SPP1: variants seen among roughly 807,000 people sequenced by gnomAD.
SPP1 encodes osteopontin.
In SPP1, 18 loss-of-function variants were observed where a neutral mutation model predicts 20.8. The observed-to-expected ratio is 0.87, with a 90% CI of 0.60 to 1.29. The LOEUF is 1.29. Among genes scored for constraint, SPP1 ranks in the 50% most tolerant of loss-of-function variants. The pLI is 0.00. For missense variants in SPP1, 363 were observed against 389.0 expected (o/e 0.93, Z 0.56); for synonymous variants, 146 against 141.5 (o/e 1.03, Z -0.23).
In SPP1 at chr4:87,982,890, C is replaced by A; in HGVS notation, c.939C>A (p.Val313=). Residue 313 remains valine, a synonymous_variant, in exon 7 of 7, where the codon GTC becomes GTA. Transcript: ENST00000395080. The part of the protein sequence containing the change: ...SHELDSASSE[V]N Reference sequence around the variant, plus strand: ...AATTAGATAGTGCATCTTCTGAGGTCAATTAAAAGGAGAAAAAATACAATT... The same window carrying A: ...AATTAGATAGTGCATCTTCTGAGGTAAATTAAAAGGAGAAAAAATACAATT... The A allele has an allele frequency of 6.3e-7, 1 of 1,593,002 alleles. No homozygotes were observed. The highest frequency in any genetic ancestry group is 1.1e-5 in the South Asian group (1 of 87,680).
At chr4:87,982,147 G>T (rs1317661763) in intron 6 of SPP1, among the ~76,000 whole-genome samples, 1 of 152,092 alleles carries the variant, frequency 6.6e-6, no homozygotes, top group Non-Finnish European at 1.5e-5. Flanking sequence ...AAATTACACT[G>T]AATCCTTAGT....
Position 87,981,500 on chromosome 4 carries a change from G to T in SPP1, c.242G>T (p.Ser81Ile). ...ACCCTTCCAAGTAAGTCCAACGAAA[G>T]CCATGACCACATGGATGATATGGAT... Reference protein sequence around the residue: ...QETLPSKSNESHDHMDDMDDE... With the variant: ...QETLPSKSNEIHDHMDDMDDE... Residue 81 changes from serine (S) to isoleucine (I), a missense_variant, in exon 6 of 7, where the codon AGC becomes ATC. Transcript: ENST00000395080. 1 of 1,614,128 alleles carries T rather than the reference G, an allele frequency of 6.2e-7. No individual in the cohort carries two copies. The highest frequency in any genetic ancestry group is 1.1e-5 in the South Asian group (1 of 91,064).
chr4:87,983,126 G>C lies in SPP1; in HGVS notation c.*230G>C, dbSNP rs1248529482. 9 of 422,112 alleles carry C rather than the reference G, an allele frequency of 2.1e-5. No homozygotes were observed. Among genetic ancestry groups the C allele is most frequent in the Non-Finnish European group, 3.3e-5 (8 of 239,246 alleles). The allele number at this position is 422,112 out of a possible 1,614,324, so 26.1% of individuals were successfully genotyped here. ...TTATGTCTATGTTCATTCTATAGAA[G>C]AAATGCAAACTATCACTGTATTTTA... On this transcript the variant is annotated 3_prime_UTR_variant, in exon 7 of 7. Transcript: ENST00000395080.
Position 87,982,605 on chromosome 4 carries a change from C to T in SPP1, c.654C>T (p.Asp218=). The T allele has an allele frequency of 6.2e-7, 1 of 1,614,100 alleles. No homozygotes were observed. The highest frequency in any genetic ancestry group is 1.1e-5 in the South Asian group (1 of 91,074). Residue 218 remains aspartate, a synonymous_variant, in exon 7 of 7, where the codon GAC becomes GAT. Coordinates refer to ENST00000395080, the MANE Select transcript of SPP1 (RefSeq NM_001040058.2). ...AQDLNAPSDW[D]SRGKDSYETS... ...ACCTGAACGCGCCTTCTGATTGGGA[C>T]AGCCGTGGGAAGGACAGTTATGAAA...
intron 5 of SPP1, 63 bp from the exon 6 acceptor site, chr4:87,981,412 C>A: frequency 7.2e-7 from 1 of 1,398,412 alleles, no homozygotes. Flanking sequence ...GACTAATGTG[C>A]TATAAAGGCT....
intron 3 of SPP1, among the ~76,000 whole-genome samples, chr4:87,979,679 C>T (rs1445688726): frequency 6.6e-6 from 1 of 152,108 alleles, no homozygotes; most frequent in South Asian, 2.1e-4. Flanking sequence ...GTGTGAAGTT[C>T]GGTGTTAAGA....
intron 3 of SPP1, among the ~76,000 whole-genome samples, chr4:87,977,438 T>C (rs768888339): frequency 5.5e-4 from 83 of 152,232 alleles, no homozygotes; most frequent in Non-Finnish European, 5.3e-4. Flanking sequence ...TTTTGCTTTG[T>C]TTAGTGGATT....
chr4:87,979,310 G>A (rs1287852780), intron 3 of SPP1, among the ~76,000 whole-genome samples: 1 of 151,594 alleles, frequency 6.6e-6, no homozygotes, highest in African/African-American at 2.4e-5. Flanking sequence ...GGGTACAGGT[G>A]CCTGCCACCA....
chr4:87,982,460 T>C (rs369772477), intron 6 of SPP1, 32 bp from the exon 7 acceptor site: 151 of 1,597,588 alleles, frequency 9.5e-5, no homozygotes, highest in Non-Finnish European at 1.2e-4. Context: ...TAGCCGTTCA[T>C]ATAATTATTC....
chr4:87,978,388 CTTTTTTTTTTTT>C (rs1159455110), intron 3 of SPP1, among the ~76,000 whole-genome samples: 2 of 89,680 alleles, frequency 2.2e-5, no homozygotes, highest in South Asian at 4.7e-4. Flanking sequence ...TTTCCGCCTT[CTTTTTTTTTTTT>C]TTTTTTTTTT....
chr4:87,980,222 CA>C, intron 4 of SPP1, 96 bp downstream of exon 4: 1 of 1,501,548 alleles, frequency 6.7e-7, no homozygotes, highest in Non-Finnish European at 9.2e-7. Context: ...TGCCTGCTGG[CA>C]AACATGTGCT....
intron 3 of SPP1, 30 bp from the exon 4 acceptor site, chr4:87,980,016 A>G: frequency 1.2e-6 from 2 of 1,606,324 alleles, no homozygotes; most frequent in Non-Finnish European, 1.7e-6. Context: ...TTCTTTTTTT[A>G]ATAATGATAA....
chr4:87,979,193 CTT>C (rs1157314107), intron 3 of SPP1, among the ~76,000 whole-genome samples: 1 of 117,420 alleles, frequency 8.5e-6, no homozygotes, highest in African/African-American at 3.4e-5. Context: ...GAGATGGAGT[CTT>C]GCTCTGTCAC....
In SPP1 at chr4:87,977,768, T is replaced by C. The variant is rs1725441089; in HGVS notation, c.93+671T>C. ...GACAAAAAGGCACACAGAGTTCAAT[T>C]CCAGTTGAACAGAATAAAGGCCAAA... On this transcript the variant is annotated intron_variant, in intron 3 of 6. Coordinates refer to ENST00000395080, the MANE Select transcript of SPP1 (RefSeq NM_001040058.2). 2.3e-6 allele frequency: 3 copies of C among 1,286,248 alleles called. No homozygotes were observed. In the South Asian group the frequency reaches 3.7e-5, roughly 16 times the overall value. The allele number at this position is 1,286,248 out of a possible 1,614,324, so 79.7% of individuals were successfully genotyped here.
At chr4:87,976,762 A>C in intron 1 of SPP1, 120 bp from the exon 2 acceptor site, 1 of 643,504 alleles carries the variant, frequency 1.6e-6, no homozygotes, top group South Asian at 2.9e-5. Context: ...TCTAAGAAGT[A>C]GAAAAGATTC....
chr4:87,980,010 T>C, intron 3 of SPP1, 36 bp from the exon 4 acceptor site: 2 of 1,605,836 alleles, frequency 1.2e-6, no homozygotes, highest in Non-Finnish European at 1.7e-6. Context: ...CTACATTTCT[T>C]TTTTTAATAA....
At chr4:87,976,848 A>G (rs1361957894) in intron 1 of SPP1, 34 bp from the exon 2 acceptor site, 3 of 1,514,382 alleles carry the variant, frequency 2.0e-6, no homozygotes, top group Non-Finnish European at 2.8e-6. Flanking sequence ...TAACCTATGA[A>G]GATGTCAGCT....
At chr4:87,976,075 T>A (rs1725366654) in intron 1 of SPP1, among the ~76,000 whole-genome samples, 1 of 152,140 alleles carries the variant, frequency 6.6e-6, no homozygotes, top group East Asian at 1.9e-4. Context: ...AAAATTAAAT[T>A]CCCCTTTGGA....
rs1367417633 is a variant in SPP1 at position 87,982,710 on chromosome 4, G to C, written c.759G>C (p.Glu253Asp). 8 of 1,614,114 alleles carry C rather than the reference G, an allele frequency of 5.0e-6. No individual in the cohort carries two copies. Among genetic ancestry groups the C allele is most frequent in the South Asian group, 3.3e-5 (3 of 91,080 alleles). The change falls in exon 7 of 7, where the codon GAG (glutamate) becomes GAC (aspartate). Residue 253 changes from glutamate to aspartate, a missense_variant. Physicochemically the swap from Glu to Asp is conservative, Grantham distance 45. Coordinates refer to ENST00000395080, the MANE Select transcript of SPP1 (RefSeq NM_001040058.2). Reference protein sequence around the residue: ...SRLYKRKANDESNEHSDVIDS... With the variant: ...SRLYKRKANDDSNEHSDVIDS... ...TATATAAGCGGAAAGCCAATGATGA[G>C]AGCAATGAGCATTCCGATGTGATTG...
Sources: allele counts gnomAD v4.1 joint callset (sites outside exome capture counted in the v4.1 genomes callset), GRCh38; gene constraint gnomAD v4.1.1; transcripts MANE v1.5; gene names NCBI Gene and HGNC (gene_info 2026-07-23, HGNC 2026-07-21).